The following PIGN variants were observed in gnomAD, a reference collection of about 807,000 sequenced individuals.
PIGN encodes the protein phosphatidylinositol glycan anchor biosynthesis class N.
A neutral mutation model predicts 125.4 loss-of-function variants in PIGN; 117 were observed. The ratio of observed to expected loss-of-function variants is 0.93; its 90% CI spans 0.80 to 1.09. The LOEUF (loss-of-function observed/expected upper bound fraction) is 1.09. PIGN is among the 50% of genes least tolerant of loss of function. The pLI is 0.00. For synonymous variants in PIGN, 392 were observed against 377.8 expected (o/e 1.04, Z -0.44); for missense variants, 1,075 against 1,094.9 (o/e 0.98, Z 0.26).
intron 1 of PIGN, among the ~76,000 whole-genome samples, chr18:62,183,158 T>G (rs564985083): frequency 2.1e-4 from 32 of 152,264 alleles, no homozygotes; most frequent in African/African-American, 7.7e-4. Context: ...CTTAGCTAGA[T>G]TTGAGCATTT....
At position 62,110,281 on chromosome 18, in the gene PIGN, T is replaced by TA. The variant is rs11400297; in HGVS notation, c.1435-309dup. 214,055 of 237,100 alleles carry TA rather than the reference T, an allele frequency of 0.9. 96,994 individuals are homozygous for TA. Among genetic ancestry groups the TA allele is most frequent in the African/African-American group, 0.97 (42,813 of 43,966 alleles). 14.7% of individuals were successfully genotyped at this position (237,100 alleles called of 1,614,324 possible). A position where few individuals can be genotyped will look rare whatever the true frequency, so the allele number is the denominator to read the frequency against. ...TTCTGAACATGTTTCCTTTTAGGAA[T>TA]ATTTTATAAATGTTGATTGAGTTCT... On this transcript the variant is annotated intron_variant, in intron 16 of 30. Coordinates refer to ENST00000640252, the MANE Select transcript of PIGN (RefSeq NM_176787.5).
intron 23 of PIGN, among the ~76,000 whole-genome samples, chr18:62,033,077 G>A (rs984050475): frequency 5.9e-5 from 9 of 152,190 alleles, no homozygotes; most frequent in African/African-American, 9.7e-5. Flanking sequence ...GCAGCCAAGG[G>A]GACCTGCAAG....
intron 1 of PIGN, among the ~76,000 whole-genome samples, chr18:62,186,505 G>C (rs1412295113): frequency 6.6e-6 from 1 of 152,142 alleles, no homozygotes; most frequent in African/African-American, 2.4e-5. Flanking sequence ...CCAACTCGAC[G>C]ATGTTCCCAG....
intron 23 of PIGN, among the ~76,000 whole-genome samples, chr18:62,035,192 C>T (rs910442315): frequency 6.6e-6 from 1 of 152,142 alleles, no homozygotes; most frequent in African/African-American, 2.4e-5. Context: ...GCCTCCCCAG[C>T]CATGTGGAAC....
intron 19 of PIGN, among the ~76,000 whole-genome samples, chr18:62,106,091 A>T (rs1381412971): frequency 6.6e-6 from 1 of 152,220 alleles, no homozygotes; most frequent in East Asian, 1.9e-4. Flanking sequence ...GTGGCCTACA[A>T]TAATCACCAA....
chr18:62,158,502 T>C (rs530374628), intron 4 of PIGN, among the ~76,000 whole-genome samples: 1 of 152,216 alleles, frequency 6.6e-6, no homozygotes. Context: ...AAAAAGATTA[T>C]TTTGCTAAAA....
intron 25 of PIGN, among the ~76,000 whole-genome samples, chr18:62,086,270 G>A (rs528002934): frequency 6.6e-6 from 1 of 152,150 alleles, no homozygotes; most frequent in East Asian, 1.9e-4. Context: ...AGACTTTATC[G>A]AAGGATATGG....
chr18:62,097,679 A>C (rs145671306), intron 22 of PIGN, among the ~76,000 whole-genome samples: 1,722 of 152,140 alleles, frequency 0.011, 16 homozygotes, highest in Non-Finnish European at 0.018. Context: ...AAGACAACTT[A>C]CTCCTCAGAA....
intron 1 of PIGN, among the ~76,000 whole-genome samples, chr18:62,173,405 T>C (rs1242664484): frequency 1.3e-5 from 2 of 152,148 alleles, no homozygotes; most frequent in Non-Finnish European, 2.9e-5. Flanking sequence ...AATTTTATTT[T>C]ACTTTTTCTA....
At chr18:62,110,044 A>C in intron 16 of PIGN, 71 bp from the exon 17 acceptor site, 2 of 1,451,200 alleles carry the variant, frequency 1.4e-6, no homozygotes. Flanking sequence ...AAGAGATTTT[A>C]TAAAGTAAAG....
intron 22 of PIGN, among the ~76,000 whole-genome samples, chr18:62,097,912 G>C (rs1016453074): frequency 6.6e-6 from 1 of 152,112 alleles, no homozygotes; most frequent in African/African-American, 2.4e-5. Flanking sequence ...CTCTATTCTG[G>C]GAAGGAAATG....
rs887298477 is a variant in PIGN, at chr18:62,044,034, G to T, written c.*1822C>A. On this transcript the variant is annotated 3_prime_UTR_variant, in exon 31 of 31. Transcript: ENST00000640252. Reference sequence around the variant, plus strand: ...AGGCTTGTTCCCATGTGAGTCTGAAGGGGCCAGTTACGGTGCAGCAAGGCG... The same window carrying T: ...AGGCTTGTTCCCATGTGAGTCTGAATGGGCCAGTTACGGTGCAGCAAGGCG... 4.6e-5 allele frequency: 7 copies of T among 152,188 alleles called. No individual in the cohort carries two copies. The highest frequency in any genetic ancestry group is 1.7e-4 in the African/African-American group (7 of 41,430). 9.4% of individuals were successfully genotyped at this position (152,188 alleles called of 1,614,324 possible). A position where few individuals can be genotyped will look rare whatever the true frequency, so the allele number is the denominator to read the frequency against.
chr18:62,152,868 A>ATTTT (rs67953114), intron 7 of PIGN, among the ~76,000 whole-genome samples: 2 of 144,758 alleles, frequency 1.4e-5, no homozygotes, highest in Admixed American at 1.4e-4. Flanking sequence ...ATATATATAT[A>ATTTT]TTTTTTTTTT....
At chr18:62,096,432 AT>A (rs907028307) in intron 22 of PIGN, among the ~76,000 whole-genome samples, 18 of 148,570 alleles carry the variant, frequency 1.2e-4, no homozygotes, top group Non-Finnish European at 2.4e-4. Flanking sequence ...ATTACATTTC[AT>A]TTTTTTAACT....
chr18:62,119,038 G>T (rs2035196851), intron 14 of PIGN, among the ~76,000 whole-genome samples: 1 of 151,862 alleles, frequency 6.6e-6, no homozygotes, highest in South Asian at 2.1e-4. Flanking sequence ...GAGAAGAAAG[G>T]TTCTAGATAC....
chr18:62,070,456 G>C, intron 30 of PIGN: 1 of 392,134 alleles, frequency 2.6e-6, no homozygotes, highest in Non-Finnish European at 4.5e-6. Context: ...CAGTCTATTG[G>C]GAGAGGCAGA....
At chr18:62,106,509 T>C (rs1053909673) in intron 19 of PIGN, among the ~76,000 whole-genome samples, 7 of 152,126 alleles carry the variant, frequency 4.6e-5, no homozygotes, top group Non-Finnish European at 8.8e-5. Flanking sequence ...ATCAAGATAT[T>C]TGAAGCTAAA....
Position 62,145,913 on chromosome 18 carries a change from C to CA in PIGN, c.917dup (p.Leu306PhefsTer18). The CA allele has an allele frequency of 6.6e-7, 1 of 1,513,026 alleles. No individual in the cohort carries two copies. Among genetic ancestry groups the CA allele is most frequent in the Non-Finnish European group, 9.2e-7 (1 of 1,088,978 alleles). The allele number at this position is 1,513,026 out of a possible 1,614,324, so 93.7% of individuals were successfully genotyped here. A position where few individuals can be genotyped will look rare whatever the true frequency, so the allele number is the denominator to read the frequency against. ...CCAGTAAAGAAATGCTTGTACCTTT[C>CA]AAAAATGCATCATCAAATTGCTGAG... On this transcript the variant is annotated frameshift_variant, in exon 10 of 31. Transcript: ENST00000640252. LOFTEE classifies it high-confidence loss of function.
downstream of PIGN, among the ~76,000 whole-genome samples, chr18:62,039,216 CTTG>C (rs1388851961): frequency 1.3e-5 from 2 of 151,910 alleles, no homozygotes; most frequent in Non-Finnish European, 2.9e-5. Context: ...TTTAAATAAT[CTTG>C]TTATTTTACA....
Sources: allele counts gnomAD v4.1 joint callset (sites outside exome capture counted in the v4.1 genomes callset), GRCh38; gene constraint gnomAD v4.1.1; transcripts MANE v1.5; gene names NCBI Gene and HGNC (gene_info 2026-07-23, HGNC 2026-07-21).